HERC5: variants seen among roughly 807,000 people sequenced by gnomAD.
HERC5 encodes E3 ISG15--protein ligase HERC5.
HERC5 carries 99 observed loss-of-function variants against 119.6 expected under a neutral mutation model. That is an observed-to-expected ratio of 0.83 (90% confidence interval 0.70 to 0.98). The LOEUF (loss-of-function observed/expected upper bound fraction) is 0.98, where lower values mean the gene tolerates loss of function less well. HERC5 is among the 50% of genes least tolerant of loss of function. HERC5 has a pLI of 0.00. For missense variants in HERC5, 1,267 were observed against 1,241.3 expected (o/e 1.02, Z -0.31); for synonymous variants, 478 against 445.9 (o/e 1.07, Z -0.91).
intron 2 of HERC5, among the ~76,000 whole-genome samples, chr4:88,459,827 T>G (rs1161021727): frequency 6.6e-6 from 1 of 152,200 alleles, no homozygotes; most frequent in Non-Finnish European, 1.5e-5. Flanking sequence ...CCTAGTAGAT[T>G]ATATGAATTA....
Position 88,462,184 on chromosome 4 carries a change from TGGAA to T in HERC5, c.521_524del (p.Arg174AsnfsTer49). The T allele has an allele frequency of 6.2e-7, 1 of 1,614,148 alleles. No homozygotes were observed. The highest frequency in any genetic ancestry group is 8.5e-7 in the Non-Finnish European group (1 of 1,180,014). ...AGAACCTGCATGGGCAGCTTGGAGT[TGGAA>T]GGAAATTTCCCTCAACCACCACACC... is the stretch of plus-strand genomic sequence containing the variant. On this transcript the variant is annotated frameshift_variant, in exon 4 of 23. Transcript: ENST00000264350. LOFTEE classifies it high-confidence loss of function.
chr4:88,493,950 A>G (rs369641292), intron 17 of HERC5, among the ~76,000 whole-genome samples: 38 of 144,174 alleles, frequency 2.6e-4, no homozygotes, highest in African/African-American at 8.8e-4. Context: ...TTGGTGCAAA[A>G]GTAATTGCAG....
chr4:88,484,728 A>G (rs978888168), intron 13 of HERC5, among the ~76,000 whole-genome samples: 10 of 152,124 alleles, frequency 6.6e-5, no homozygotes, highest in African/African-American at 2.4e-4. Context: ...AACTTCTCCT[A>G]TGGACTCCCT....
chr4:88,458,638 G>T (rs768959858), intron 1 of HERC5, among the ~76,000 whole-genome samples: 22 of 152,160 alleles, frequency 1.4e-4, no homozygotes, highest in Admixed American at 4.6e-4. Flanking sequence ...TATGGTTTGT[G>T]CTTTGAGATT....
Position 88,457,293 on chromosome 4 carries a change from G to A in HERC5, c.24G>A (p.Lys8=), listed in dbSNP as rs1183026063. 12 of 1,358,746 alleles carry A rather than the reference G, an allele frequency of 8.8e-6. No individual in the cohort carries two copies. In the South Asian group the frequency reaches 2.1e-4, roughly 23 times the overall value. 84.2% of individuals were successfully genotyped at this position (1,358,746 alleles called of 1,614,324 possible). A position where few individuals can be genotyped will look rare whatever the true frequency, so the allele number is the denominator to read the frequency against. MERRSRR[K]SRRNGRSTAG... is the part of the protein sequence containing the mutation. ...CGATGGAGCGGAGGTCGCGGAGGAA[G>A]TCGCGGCGCAACGGGCGCTCGACCG... Residue 8 remains lysine, a synonymous_variant, in exon 1 of 23, where the codon AAG becomes AAA. Coordinates refer to ENST00000264350, the MANE Select transcript of HERC5 (RefSeq NM_016323.4).
intron 5 of HERC5, 60 bp downstream of exon 5, chr4:88,463,683 T>G: frequency 6.1e-6 from 9 of 1,474,930 alleles, no homozygotes; most frequent in Non-Finnish European, 8.5e-6. Flanking sequence ...GTATGGGAAG[T>G]TAGTGTTTCC....
At chr4:88,476,070 A>T (rs1473401422) in intron 12 of HERC5, 40 bp downstream of exon 12, 1 of 1,518,102 alleles carries the variant, frequency 6.6e-7, no homozygotes, top group East Asian at 2.3e-5. Flanking sequence ...CTGTCTTCTC[A>T]GTGGAAAGAC....
chr4:88,493,717 T>C (rs552138784), intron 17 of HERC5, among the ~76,000 whole-genome samples: 82 of 152,168 alleles, frequency 5.4e-4, no homozygotes, highest in African/African-American at 1.8e-3. Context: ...AGCCATTCTC[T>C]TGCCTCAGCC....
intron 19 of HERC5, 134 bp downstream of exon 19, chr4:88,500,126 T>C: frequency 1.6e-6 from 1 of 610,392 alleles, no homozygotes. Context: ...TTCTTCATCA[T>C]GATCTAGGTG....
chr4:88,481,954 A>G (rs1010808197), intron 13 of HERC5, among the ~76,000 whole-genome samples: 2 of 152,188 alleles, frequency 1.3e-5, no homozygotes, highest in African/African-American at 4.8e-5. Context: ...AAACCTTCAT[A>G]ATGACAGGGA....
At chr4:88,476,632 G>A (rs1741074290) in intron 12 of HERC5, among the ~76,000 whole-genome samples, 1 of 152,116 alleles carries the variant, frequency 6.6e-6, no homozygotes, top group African/African-American at 2.4e-5. Context: ...CTAAGAACAT[G>A]GAATCTGGCC....
At chr4:88,502,775 A>G (rs965439522) in intron 20 of HERC5, among the ~76,000 whole-genome samples, 14 of 152,122 alleles carry the variant, frequency 9.2e-5, no homozygotes, top group Non-Finnish European at 1.6e-4. Context: ...TCTGATTACT[A>G]ATGTTAAGCA....
chr4:88,472,088 C>G (rs1348837204), intron 10 of HERC5, among the ~76,000 whole-genome samples: 1 of 151,904 alleles, frequency 6.6e-6, no homozygotes, highest in Non-Finnish European at 1.5e-5. Flanking sequence ...CTTGATCTCT[C>G]AAGCTCAAGC....
At chr4:88,465,924 A>G (rs1325071606) in intron 6 of HERC5, among the ~76,000 whole-genome samples, 1 of 152,214 alleles carries the variant, frequency 6.6e-6, no homozygotes, top group Non-Finnish European at 1.5e-5. Flanking sequence ...CAGGACATAC[A>G]GAATTTGCCA....
chr4:88,493,140 G>T lies in HERC5; in HGVS notation c.2262G>T (p.Met754Ile). 1 of 1,613,858 alleles carries T rather than the reference G, an allele frequency of 6.2e-7. No homozygotes were observed. The highest frequency in any genetic ancestry group is 8.5e-7 in the Non-Finnish European group (1 of 1,179,864). The change falls in exon 17 of 23, where the codon ATG (methionine) becomes ATT (isoleucine). Residue 754 changes from methionine to isoleucine, a missense_variant. By Grantham distance (10) the Met-to-Ile change is conservative (BLOSUM62 1). Transcript: ENST00000264350. ...TGTATCCTGAAGGGGCTTCCTGCAT[G>T]TGGTTTCCTGTCAAGGTAAGTTCCC... ...MFMYPEGASC[M>I]WFPVKPKFEK...
intron 12 of HERC5, among the ~76,000 whole-genome samples, chr4:88,477,950 G>C (rs998501110): frequency 6.6e-6 from 1 of 152,006 alleles, no homozygotes; most frequent in Non-Finnish European, 1.5e-5. Flanking sequence ...ATTCACGAAC[G>C]ATTTTTAATT....
At chr4:88,488,380 C>T (rs1194599217) in intron 15 of HERC5, among the ~76,000 whole-genome samples, 6 of 151,674 alleles carry the variant, frequency 4.0e-5, no homozygotes, top group East Asian at 1.9e-4. Flanking sequence ...TACAGGTGCC[C>T]GCCGCCACAC....
At chr4:88,468,279 T>G in intron 7 of HERC5, 67 bp from the exon 8 acceptor site, 4 of 1,062,438 alleles carry the variant, frequency 3.8e-6, no homozygotes, top group Non-Finnish European at 5.6e-6. Flanking sequence ...TGAAGTTATT[T>G]AAATTGAACA....
rs1741906465 is a variant in HERC5, at chr4:88,500,125, A to G, written c.2511+133A>G. 2.7e-5 allele frequency: 17 copies of G among 619,594 alleles called. No homozygotes were observed. In the South Asian group the frequency reaches 3.3e-4, roughly 12 times the overall value. The allele number at this position is 619,594 out of a possible 1,614,324, so 38.4% of individuals were successfully genotyped here. A position where few individuals can be genotyped will look rare whatever the true frequency, so the allele number is the denominator to read the frequency against. ...AGTGAAAAAGGTATTGTTCTTCATC[A>G]TGATCTAGGTGCATCAGTTAGATTT... On this transcript the variant is annotated intron_variant, in intron 19 of 22. Transcript: ENST00000264350.
Sources: gnomAD v4.1 joint callset for allele counts (sites outside exome capture counted in the v4.1 genomes callset) on GRCh38, gnomAD v4.1.1 for gene constraint, MANE v1.5 for transcripts, NCBI Gene and HGNC (gene_info 2026-07-23, HGNC 2026-07-21) for gene names.